EPHA6: variants seen among roughly 807,000 people sequenced by gnomAD.
The protein encoded by EPHA6 is ephrin type-A receptor 6.
Under a neutral mutation model 112.0 loss-of-function variants are expected in EPHA6, and 50 were observed. The ratio of observed to expected loss-of-function variants is 0.45; its 90% confidence interval spans 0.36 to 0.56. The LOEUF is 0.56. EPHA6 is among the 20% of genes least tolerant of loss of function. EPHA6 has a pLI of 0.00. For missense variants in EPHA6, 1,280 were observed against 1,417.4 expected (o/e 0.90, Z 1.56); for synonymous variants, 529 against 490.7 (o/e 1.08, Z -1.03).
chr3:97,626,668 A>G (rs561694076), intron 13 of EPHA6, among the ~76,000 whole-genome samples: 24 of 151,792 alleles, frequency 1.6e-4, no homozygotes, highest in Non-Finnish European at 3.5e-4. Flanking sequence ...GGAAAGAAGA[A>G]TGTGGCCAGA....
At chr3:96,860,376 G>A (rs2035940859) in intron 1 of EPHA6, among the ~76,000 whole-genome samples, 1 of 151,406 alleles carries the variant, frequency 6.6e-6, no homozygotes, top group African/African-American at 2.4e-5. Context: ...TTAAAGTAAC[G>A]GTTTCAGTAG....
chr3:97,345,780 AATTGT>A (rs1409063376), intron 5 of EPHA6, among the ~76,000 whole-genome samples: 2 of 152,120 alleles, frequency 1.3e-5, no homozygotes, highest in African/African-American at 4.8e-5. Context: ...GAGATGAAAA[AATTGT>A]AAGCATTGTC....
At position 97,760,617 on chromosome 3, in the gene EPHA6, T is replaced by A. The variant is rs187984705; in HGVS notation, c.*11916T>A. On this transcript the variant is annotated 3_prime_UTR_variant, in exon 18 of 18. Transcript: ENST00000389672. ...TAAATTTTAAATGGCCGCATCAAAT[T>A]TTAAATGGTAGATGATATCAACAAT... The A allele has an allele frequency of 2.3e-4, 42 of 179,772 alleles. No homozygotes were observed. The highest frequency in any genetic ancestry group is 8.7e-4 in the African/African-American group (37 of 42,438). 11.1% of individuals were successfully genotyped at this position (179,772 alleles called of 1,614,324 possible). A position where few individuals can be genotyped will look rare whatever the true frequency, so the allele number is the denominator to read the frequency against.
chr3:97,584,483 A>G (rs1377959620), intron 11 of EPHA6, among the ~76,000 whole-genome samples: 2 of 152,228 alleles, frequency 1.3e-5, no homozygotes, highest in African/African-American at 4.8e-5. Flanking sequence ...TCGCTTTGTC[A>G]TCAACTGGAT....
intron 17 of EPHA6, 62 bp from the exon 18 acceptor site, chr3:97,748,517 ATCTCTCTC>A (rs71113865): frequency 5.7e-5 from 41 of 718,782 alleles, no homozygotes; most frequent in African/African-American, 3.5e-4. Context: ...CATATTCTGT[ATCTCTCTC>A]TCTCTCTCTC....
intron 7 of EPHA6, among the ~76,000 whole-genome samples, chr3:97,463,716 A>G (rs1475729499): frequency 1.3e-5 from 2 of 152,160 alleles, no homozygotes; most frequent in African/African-American, 4.8e-5. Context: ...TCAATGATTG[A>G]AGATGATTTT....
chr3:97,214,038 T>TGTGTGTGTGGGAGA (rs1491420279), intron 3 of EPHA6, among the ~76,000 whole-genome samples: 1 of 77,784 alleles, frequency 1.3e-5, no homozygotes, highest in Non-Finnish European at 3.5e-5. Context: ...TGTGTGTGTG[T>TGTGTGTGTGGGAGA]GAGAGAGAGA....
At chr3:97,628,091 T>G (rs2093873681) in intron 13 of EPHA6, among the ~76,000 whole-genome samples, 2 of 151,998 alleles carry the variant, frequency 1.3e-5, no homozygotes, top group Admixed American at 1.3e-4. Context: ...TCACTCTGTT[T>G]GCTGTATTAA....
intron 4 of EPHA6, among the ~76,000 whole-genome samples, chr3:97,241,770 T>G (rs867512055): frequency 0.01 from 1,470 of 144,678 alleles, 15 homozygotes; most frequent in African/African-American, 0.038. Context: ...TTTTTTTTTT[T>G]GTTTTTTTTT....
Position 97,643,338 on chromosome 3 carries a change from T to C in EPHA6, c.2784+5256T>C, listed in dbSNP as rs541234676. 3.9e-5 allele frequency among the ~76,000 whole-genome samples: 6 copies of C among 152,256 alleles called. No individual in the cohort carries two copies. The East Asian group carries it at 1.2e-3, about 29-fold the overall frequency. ...ACCGGTACCAGCCACTGCAAAATCA[T>C]GCCAAAATGTAATGACCATCCAGAC... is the stretch of plus-strand genomic sequence containing the variant. On this transcript the variant is annotated intron_variant, in intron 14 of 17. Coordinates refer to ENST00000389672, the MANE Select transcript of EPHA6 (RefSeq NM_001080448.3).
chr3:97,096,378 A>G (rs1460168648), intron 3 of EPHA6, among the ~76,000 whole-genome samples: 1 of 151,888 alleles, frequency 6.6e-6, no homozygotes, highest in Admixed American at 6.6e-5. Flanking sequence ...TATTTAGAGT[A>G]GTTTAGAAGT....
At chr3:96,935,948 C>T (rs1365491487) in intron 2 of EPHA6, among the ~76,000 whole-genome samples, 1 of 151,834 alleles carries the variant, frequency 6.6e-6, no homozygotes, top group African/African-American at 2.4e-5. Context: ...TTGTGCAGAG[C>T]TGCTAAAACA....
Position 97,550,727 on chromosome 3 carries a change from A to G in EPHA6, c.2386+18184A>G, listed in dbSNP as rs559196907. 6.6e-5 allele frequency among the ~76,000 whole-genome samples: 10 copies of G among 152,320 alleles called. No homozygotes were observed. The South Asian group carries it at 2.1e-3, about 32-fold the overall frequency. ...AATAGAGGGGGAAATCCTGTGTGATATTAAGATGGGGGTATATTAAGATGG... is the reference window on the plus strand; with the variant it reads ...AATAGAGGGGGAAATCCTGTGTGATGTTAAGATGGGGGTATATTAAGATGG... On this transcript the variant is annotated intron_variant, in intron 11 of 17. Transcript: ENST00000389672.
intron 3 of EPHA6, among the ~76,000 whole-genome samples, chr3:97,050,030 CTG>C (rs771290145): frequency 6.6e-6 from 1 of 152,228 alleles, no homozygotes; most frequent in South Asian, 2.1e-4. Context: ...AGAAAAATAA[CTG>C]TTTTTAAACC....
chr3:97,101,991 G>T (rs774162879), intron 3 of EPHA6, among the ~76,000 whole-genome samples: 5 of 151,934 alleles, frequency 3.3e-5, no homozygotes, highest in Non-Finnish European at 7.4e-5. Flanking sequence ...CAAATTGTTT[G>T]GCCTATCAAC....
At chr3:97,019,186 G>A (rs1481275654) in intron 3 of EPHA6, among the ~76,000 whole-genome samples, 1 of 151,992 alleles carries the variant, frequency 6.6e-6, no homozygotes, top group East Asian at 1.9e-4. Flanking sequence ...TATTATACTG[G>A]AACAGCTCGT....
At chr3:97,332,960 A>G (rs2108829380) in intron 5 of EPHA6, among the ~76,000 whole-genome samples, 1 of 151,876 alleles carries the variant, frequency 6.6e-6, no homozygotes, top group South Asian at 2.1e-4. Flanking sequence ...CTGTCTTTCC[A>G]TATGAATTTT....
chr3:97,362,645 G>A (rs1232826465), intron 5 of EPHA6, among the ~76,000 whole-genome samples: 2 of 151,838 alleles, frequency 1.3e-5, no homozygotes, highest in Non-Finnish European at 2.9e-5. Flanking sequence ...GGTATACTTT[G>A]TTTCATGCTA....
At chr3:96,979,503 A>G (rs1214035257) in intron 2 of EPHA6, among the ~76,000 whole-genome samples, 3 of 152,194 alleles carry the variant, frequency 2.0e-5, no homozygotes, top group Admixed American at 1.3e-4. Flanking sequence ...TAGTGCCACA[A>G]TAAACATATG....
Sources: allele counts gnomAD v4.1 joint callset (sites outside exome capture counted in the v4.1 genomes callset), GRCh38; gene constraint gnomAD v4.1.1; transcripts MANE v1.5; gene names NCBI Gene and HGNC (gene_info 2026-07-23, HGNC 2026-07-21).